The following SPO11 variants were observed in gnomAD, a reference collection of about 807,000 sequenced individuals.
SPO11 encodes the protein meiotic recombination protein SPO11.
A neutral mutation model predicts 51.6 loss-of-function variants in SPO11; 49 were observed. The observed-to-expected ratio is 0.95, with a 90% CI of 0.75 to 1.20. SPO11 has a LOEUF of 1.20. SPO11 is among the 50% of genes most tolerant of loss of function. The pLI, the probability that SPO11 is intolerant of heterozygous loss-of-function variation, is 0.00. For synonymous variants in SPO11, 176 were observed against 158.2 expected, an observed-to-expected ratio of 1.11 and a Z score of -0.84; for missense variants, 431 against 473.4, an observed-to-expected ratio of 0.91 and a Z score of 0.83.
In SPO11 at chr20:57,340,103, C is replaced by T. The variant is rs1020513383; in HGVS notation, c.884C>T (p.Ser295Phe). ...IMCIYKYGSM[S>F]MSFEAHHLTV... ...ATATACTTTTGTTCTTTATTTTAGT[C>T]TATGTCTTTTGAAGCTCATCATCTC... is the stretch of plus-strand genomic sequence containing the variant. Residue 295 changes from serine to phenylalanine, a missense_variant and splice_region_variant, in exon 11 of 13, where the codon TCT becomes TTT. This residue lies in a region of SPO11 where 405 missense variants were observed against 425.9 expected (regional missense o/e 0.95). Transcript: ENST00000371263. The T allele has an allele frequency of 3.7e-6, 6 of 1,604,906 alleles. No individual in the cohort carries two copies. The highest frequency in any genetic ancestry group is 1.7e-6 in the Non-Finnish European group (2 of 1,171,780).
At chr20:57,334,547 A>G (rs1357237595) in intron 5 of SPO11, among the ~76,000 whole-genome samples, 2 of 152,248 alleles carry the variant, frequency 1.3e-5, no homozygotes, top group Non-Finnish European at 2.9e-5. Context: ...GATTCTCAAT[A>G]TATTCCTTTG....
intron 1 of SPO11, among the ~76,000 whole-genome samples, chr20:57,330,460 A>G (rs898942560): frequency 6.6e-6 from 1 of 152,172 alleles, no homozygotes; most frequent in Admixed American, 6.5e-5. Flanking sequence ...TGGTTTTCTC[A>G]GAATTAACAA....
intron 1 of SPO11, among the ~76,000 whole-genome samples, chr20:57,330,436 T>C (rs891211846): frequency 2.0e-5 from 3 of 152,184 alleles, no homozygotes; most frequent in African/African-American, 7.2e-5. Context: ...GTATGTCTTC[T>C]CTCAGTAAGC....
In SPO11 at chr20:57,343,481, T is replaced by C; in HGVS notation, c.*21T>C. 1 of 1,581,840 alleles carries C rather than the reference T, an allele frequency of 6.3e-7. No individual in the cohort carries two copies. Among genetic ancestry groups the C allele is most frequent in the South Asian group, 1.2e-5 (1 of 83,982 alleles). ...TATAAAAATAAATCAGAAGAACTTC[T>C]GATTGCCAGAGGCTTTTCATTAGTT... is the stretch of plus-strand genomic sequence containing the variant. On this transcript the variant is annotated 3_prime_UTR_variant, in exon 13 of 13. Transcript: ENST00000371263.
At chr20:57,334,311 C>T (rs28368077) in intron 5 of SPO11, among the ~76,000 whole-genome samples, 2 of 151,958 alleles carry the variant, frequency 1.3e-5, no homozygotes, top group African/African-American at 4.8e-5. Flanking sequence ...CCTGCCACCA[C>T]GCCCGGCTAA....
rs202141631 is a variant in SPO11, at chr20:57,329,945, C to T, written c.78C>T (p.Ala26=). The T allele has an allele frequency of 1.5e-4, 243 of 1,613,192 alleles. 2 individuals are homozygous for T. The East Asian group carries it at 4.9e-3, about 33-fold the overall frequency. The change falls in exon 1 of 13, where the codon GCC becomes GCT. Residue 26 remains alanine (A), a synonymous_variant. Transcript: ENST00000371263. The part of the protein sequence containing the change: ...LDRHRESLLA[A]LRRGGREPPT... ...GACACAGGGAGTCCCTGCTGGCTGC[C>T]CTGAGGAGAGGTGGCAGGGAGCCCC... is the stretch of plus-strand genomic sequence containing the variant.
chr20:57,341,732 T>C (rs1468306322), intron 11 of SPO11, among the ~76,000 whole-genome samples: 1 of 152,224 alleles, frequency 6.6e-6, no homozygotes, highest in Non-Finnish European at 1.5e-5. Flanking sequence ...CAGAATCCCT[T>C]GGGGGTGATC....
intron 2 of SPO11, 44 bp downstream of exon 2, chr20:57,331,990 C>A (rs1026963714): frequency 5.3e-6 from 6 of 1,138,318 alleles, no homozygotes; most frequent in South Asian, 1.6e-5. Flanking sequence ...ATATCTATGT[C>A]ATTATTAAAA....
intron 10 of SPO11, among the ~76,000 whole-genome samples, chr20:57,339,258 CA>C (rs1406017075): frequency 6.6e-6 from 1 of 152,016 alleles, no homozygotes. Flanking sequence ...GGGCAAGCAG[CA>C]TTATTATCCT....
At chr20:57,342,670 A>G (rs1221338581) in intron 11 of SPO11, 59 bp from the exon 12 acceptor site, 1 of 1,032,646 alleles carries the variant, frequency 9.7e-7, no homozygotes, top group East Asian at 2.5e-5. Context: ...GGCAAAATAC[A>G]GGACATTCAA....
chr20:57,339,155 T>TAGGATACTAGG, intron 10 of SPO11, 129 bp downstream of exon 10: 1 of 519,544 alleles, frequency 1.9e-6, no homozygotes, highest in Non-Finnish European at 3.4e-6. Context: ...GGGCCTAGTA[T>TAGGATACTAGG]CCTATTCTAG....
In SPO11 at chr20:57,329,812, C is replaced by A. The variant is rs780874764; in HGVS notation, c.-56C>A. 2.3e-4 allele frequency: 353 copies of A among 1,549,722 alleles called. 1 individual carries two copies. The highest frequency in any genetic ancestry group is 2.5e-4 in the Non-Finnish European group (290 of 1,148,242). The stretch of plus-strand genomic sequence containing the variant: ...CGCGGGAAAGGCACGCAGCCACGCC[C>A]CAAGGGCGCAGCCTAGGACAGGGGC... On this transcript the variant is annotated 5_prime_UTR_variant, in exon 1 of 13. Transcript: ENST00000371263.
At chr20:57,330,407 T>A (rs375566386) in intron 1 of SPO11, among the ~76,000 whole-genome samples, 77 of 152,310 alleles carry the variant, frequency 5.1e-4, no homozygotes, top group East Asian at 5.8e-4. Context: ...GGTTTTTTTT[T>A]AGAAAGAAAA....
intron 12 of SPO11, among the ~76,000 whole-genome samples, chr20:57,343,124 T>C (rs1170123040): frequency 6.6e-6 from 1 of 152,162 alleles, no homozygotes; most frequent in Non-Finnish European, 1.5e-5. Context: ...GAAGAAATCA[T>C]AAAGATTTCA....
At chr20:57,335,536 T>C in intron 7 of SPO11, 81 bp downstream of exon 7, 3 of 1,416,134 alleles carry the variant, frequency 2.1e-6, no homozygotes, top group Middle Eastern at 4.9e-4. Context: ...CAAGCCTTCA[T>C]AATGTGTAAG....
Position 57,331,861 on chromosome 20 carries a change from A to G in SPO11, c.160A>G (p.Ile54Val). The G allele has an allele frequency of 6.3e-7, 1 of 1,599,216 alleles. No individual in the cohort carries two copies. ...SSEVLASIENIIQDIITSLAR... is the reference protein window; with the variant it reads ...SSEVLASIENVIQDIITSLAR... ...TGAGGTTCTTGCATCTATAGAAAATATTATCCAAGACATAATCACAAGCTT... is the reference window on the plus strand; with the variant it reads ...TGAGGTTCTTGCATCTATAGAAAATGTTATCCAAGACATAATCACAAGCTT... The change falls in exon 2 of 13, where the codon ATT becomes GTT. Residue 54 changes from isoleucine (I) to valine (V), a missense_variant. Coordinates refer to ENST00000371263, the MANE Select transcript of SPO11 (RefSeq NM_012444.3).
chr20:57,343,227 A>G, intron 12 of SPO11, 114 bp from the exon 13 acceptor site: 2 of 1,260,136 alleles, frequency 1.6e-6, no homozygotes, highest in Non-Finnish European at 2.2e-6. Flanking sequence ...GCTGACCCTT[A>G]AGACTATTGT....
intron 11 of SPO11, among the ~76,000 whole-genome samples, chr20:57,340,767 C>CAA (rs945122539): frequency 7.7e-6 from 1 of 129,494 alleles, no homozygotes; most frequent in Non-Finnish European, 1.7e-5. Flanking sequence ...ACTCTGTCTC[C>CAA]AAAAAAAAAA....
chr20:57,334,104 T>C lies in SPO11; in HGVS notation c.510+9T>C. Reference sequence around the variant, plus strand: ...GGAGGAGTCTACATATAGTAAGTAGTACCTAATACAAAACATTTTATTTTA... The same window carrying C: ...GGAGGAGTCTACATATAGTAAGTAGCACCTAATACAAAACATTTTATTTTA... On this transcript the variant is annotated intron_variant, in intron 5 of 12. Coordinates refer to ENST00000371263, the MANE Select transcript of SPO11 (RefSeq NM_012444.3). The C allele has an allele frequency of 7.8e-7, 1 of 1,280,658 alleles. No homozygotes were observed. The highest frequency in any genetic ancestry group is 1.6e-5 in the South Asian group (1 of 64,504). The allele number at this position is 1,280,658 out of a possible 1,614,324, so 79.3% of individuals were successfully genotyped here. A position where few individuals can be genotyped will look rare whatever the true frequency, so the allele number is the denominator to read the frequency against.
Sources: gnomAD v4.1 joint callset for allele counts (sites outside exome capture counted in the v4.1 genomes callset) on GRCh38, gnomAD v4.1.1 for gene constraint, gnomAD v4.1.1 regional missense constraint, MANE v1.5 for transcripts, NCBI Gene and HGNC (gene_info 2026-07-23, HGNC 2026-07-21) for gene names.